PRPF31: variants seen among roughly 807,000 people sequenced by gnomAD.
The protein encoded by PRPF31 is pre-mRNA processing factor 31.
In PRPF31, 12 loss-of-function variants were observed where a neutral mutation model predicts 60.4. The ratio of observed to expected loss-of-function variants is 0.20; its 90% confidence interval spans 0.13 to 0.32. The LOEUF is 0.32. Ranked by LOEUF, PRPF31 falls within the 10% of genes least tolerant of loss-of-function variation. The probability of loss-of-function intolerance (pLI) is 1.00; values close to 1 mark genes in which losing one functional copy is unlikely to be tolerated. For missense variants in PRPF31, 431 were observed against 687.1 expected (o/e 0.63, Z 4.17); for synonymous variants, 287 against 287.9 (o/e 1.00, Z 0.03).
At position 54,129,273 on chromosome 19, in the gene PRPF31, G is replaced by A. The variant is rs1284108804; in HGVS notation, c.1277G>A (p.Arg426Gln). 12 of 1,610,860 alleles carry A rather than the reference G, an allele frequency of 7.4e-6. No individual in the cohort carries two copies. Among genetic ancestry groups the A allele is most frequent in the East Asian group, 2.2e-5 (1 of 44,756 alleles). Residue 426 changes from arginine (R) to glutamine (Q), a missense_variant and splice_region_variant, in exon 13 of 14, where the codon CGG (arginine) becomes CAG (glutamine). By Grantham distance (43) the Arg-to-Gln change is conservative (BLOSUM62 1). Coordinates refer to ENST00000321030, the MANE Select transcript of PRPF31 (RefSeq NM_015629.4). ...TKARISKTLQ[R>Q]TLQKQSVVYG... ...GCAGCCTCCCTGTCCTCCCCACAGC[G>A]GACCCTGCAGAAGCAGAGCGTCGTA...
At chr19:54,125,118 C>G (rs587709519) in intron 8 of PRPF31, 78 of 237,270 alleles carry the variant, frequency 3.3e-4, no homozygotes, top group South Asian at 2.4e-3. Flanking sequence ...GAGAGGTCAC[C>G]AACCTCGGAG....
intron 4 of PRPF31, chr19:54,122,167 C>T (rs899107249): frequency 5.4e-5 from 35 of 643,500 alleles, no homozygotes; most frequent in Non-Finnish European, 9.1e-5. Context: ...TGTAGGGCCC[C>T]GGCTCTTTCC....
intron 8 of PRPF31, 116 bp downstream of exon 8, chr19:54,124,772 G>A (rs2146426844): frequency 7.9e-7 from 1 of 1,268,920 alleles, no homozygotes; most frequent in East Asian, 2.4e-5. Flanking sequence ...CTCAGGAGCT[G>A]GGAACAGGGT....
At chr19:54,116,370 AG>A (rs1471952360) in intron 1 of PRPF31, among the ~76,000 whole-genome samples, 1 of 148,886 alleles carries the variant, frequency 6.7e-6, no homozygotes, top group Non-Finnish European at 1.5e-5. Context: ...ACGCCCGGCT[AG>A]TTTTTTGTAT....
At chr19:54,125,101 G>T (rs1012497114) in intron 8 of PRPF31, 1 of 260,408 alleles carries the variant, frequency 3.8e-6, no homozygotes, top group African/African-American at 2.2e-5. Flanking sequence ...ACACACAGGA[G>T]GGGCAGGAGA....
intron 8 of PRPF31, chr19:54,124,981 A>G (rs1382771069): frequency 1.4e-5 from 7 of 493,948 alleles, no homozygotes; most frequent in South Asian, 6.7e-5. Flanking sequence ...GCTCACGACA[A>G]GCAGCGTCGG....
chr19:54,126,365 C>A, intron 8 of PRPF31, 163 bp from the exon 9 acceptor site: 1 of 696,622 alleles, frequency 1.4e-6, no homozygotes, highest in Non-Finnish European at 2.6e-6. Flanking sequence ...TCCCCTCTTC[C>A]TGTGAAGTAG....
Position 54,129,113 on chromosome 19 carries a change from G to A in PRPF31, c.1203G>A (p.Lys401=). ...DLGFSLGHLG[K]SGSGRVRQTQ... ...GATTCAGCCTGGGCCACCTGGGCAA[G>A]TCGGGCAGTGGGCGTGTGCGGCAGA... Residue 401 remains lysine, a synonymous_variant, in exon 12 of 14, where the codon AAG becomes AAA. Transcript: ENST00000321030. The A allele has an allele frequency of 6.3e-7, 1 of 1,582,578 alleles. No homozygotes were observed. Among genetic ancestry groups the A allele is most frequent in the Non-Finnish European group, 8.6e-7 (1 of 1,165,296 alleles).
At position 54,123,836 on chromosome 19, in the gene PRPF31, C is replaced by T. The variant is rs144738703; in HGVS notation, c.615C>T (p.Tyr205=). Reference sequence around the variant, plus strand: ...TGAACGCCTCCAAGCACCGCATCTACGAGTATGTGGAGTCCCGGATGTCCT... The same window carrying T: ...TGAACGCCTCCAAGCACCGCATCTATGAGTATGTGGAGTCCCGGATGTCCT... ...LELNASKHRI[Y]EYVESRMSFI... is the part of the protein sequence containing the mutation. Residue 205 remains tyrosine, a synonymous_variant, in exon 7 of 14, where the codon TAC becomes TAT. Coordinates refer to ENST00000321030, the MANE Select transcript of PRPF31 (RefSeq NM_015629.4). 43 of 1,613,806 alleles carry T rather than the reference C, an allele frequency of 2.7e-5. No individual in the cohort carries two copies. The highest frequency in any genetic ancestry group is 2.3e-4 in the Admixed American group (14 of 59,998).
At chr19:54,128,482 T>A in intron 11 of PRPF31, 105 bp downstream of exon 11, 1 of 1,182,388 alleles carries the variant, frequency 8.5e-7, no homozygotes, top group East Asian at 2.6e-5. Context: ...CTGGCTCATG[T>A]CTAGGGCGCT....
intron 13 of PRPF31, among the ~76,000 whole-genome samples, chr19:54,129,787 C>T (rs1201604263): frequency 1.3e-5 from 2 of 151,234 alleles, no homozygotes; most frequent in Non-Finnish European, 2.9e-5. Flanking sequence ...AGCCAGTCAG[C>T]AGTGAGCAGC....
intron 8 of PRPF31, 193 bp downstream of exon 8, chr19:54,124,849 T>C (rs2073881512): frequency 1.5e-6 from 1 of 676,062 alleles, no homozygotes; most frequent in African/African-American, 1.8e-5. Flanking sequence ...CAGGTGACTG[T>C]GGGCAAGAGG....
intron 8 of PRPF31, among the ~76,000 whole-genome samples, chr19:54,125,899 TTA>T: frequency 6.6e-6 from 1 of 152,268 alleles, no homozygotes; most frequent in African/African-American, 2.4e-5. Context: ...GGCATATGGG[TTA>T]AACCTGCCCC....
intron 1 of PRPF31, 110 bp downstream of exon 1, chr19:54,115,907 T>G (rs2073619769): frequency 5.7e-6 from 1 of 176,906 alleles, no homozygotes; most frequent in African/African-American, 2.4e-5. Context: ...GTTTTTTTGT[T>G]GTTTGTTTGT....
In PRPF31 at chr19:54,131,317, T is replaced by C. The variant is rs2074042764; in HGVS notation, c.1385T>C (p.Ile462Thr). Residue 462 changes from isoleucine to threonine, a missense_variant, in exon 14 of 14, where the codon ATT becomes ACT. Physicochemically the swap from Ile to Thr is moderately conservative, Grantham distance 89. Around this residue, in one of 4 missense-constraint regions of PRPF31, gnomAD observed 314 missense variants for 475.3 expected, o/e 0.66. Transcript: ENST00000321030. ...VAFTPLQGLE[I>T]VNPQAAEKKV... ...CCCTCACCTGCCCAGGGCCTGGAGA[T>C]TGTGAACCCACAGGCGGCAGAGAAG... 1.2e-6 allele frequency: 2 copies of C among 1,613,828 alleles called. No individual in the cohort carries two copies. Among genetic ancestry groups the C allele is most frequent in the Non-Finnish European group, 1.7e-6 (2 of 1,180,000 alleles).
intron 13 of PRPF31, among the ~76,000 whole-genome samples, chr19:54,129,653 A>T (rs111577170): frequency 0.014 from 1,895 of 132,484 alleles, 56 homozygotes; most frequent in African/African-American, 0.05. Context: ...GTGAGCGGGT[A>T]ACACTGCTCA....
rs2073703622 is a variant in PRPF31 at position 54,118,431 on chromosome 19, C to T, written c.153C>T (p.Ile51=). The T allele has an allele frequency of 8.1e-6, 13 of 1,614,090 alleles. No individual in the cohort carries two copies. Among genetic ancestry groups the T allele is most frequent in the Non-Finnish European group, 1.1e-5 (13 of 1,180,032 alleles). ...TTTCCGGGGATTCAGTCAAGACCAT[C>T]GCCAAGCTATGGGATAGTAAGATGG... The part of the protein sequence containing the change: ...LDLSGDSVKT[I]AKLWDSKMFA... The change falls in exon 2 of 14, where the codon ATC becomes ATT. Residue 51 remains isoleucine (I), a synonymous_variant. Transcript: ENST00000321030.
intron 8 of PRPF31, among the ~76,000 whole-genome samples, chr19:54,126,128 T>A (rs2073914446): frequency 1.3e-5 from 2 of 152,202 alleles, no homozygotes; most frequent in South Asian, 4.1e-4. Flanking sequence ...CTTGAAGCCT[T>A]GGTTTCCACA....
chr19:54,123,981 T>C (rs1429716484), intron 7 of PRPF31, 63 bp downstream of exon 7: 10 of 1,604,464 alleles, frequency 6.2e-6, no homozygotes, highest in Non-Finnish European at 8.5e-6. Flanking sequence ...TTGGGAAAGC[T>C]ACATCCTTTT....
Sources: gnomAD v4.1 joint callset for allele counts (sites outside exome capture counted in the v4.1 genomes callset) on GRCh38, gnomAD v4.1.1 for gene constraint, gnomAD v4.1.1 regional missense constraint, MANE v1.5 for transcripts, NCBI Gene and HGNC (gene_info 2026-07-23, HGNC 2026-07-21) for gene names.